The following ZPBP variants were observed in gnomAD, a reference collection of about 807,000 sequenced individuals.
ZPBP encodes the protein zona pellucida-binding protein 1.
Under a neutral mutation model 44.8 loss-of-function variants are expected in ZPBP, and 26 were observed. That is an observed-to-expected ratio of 0.58 (90% CI 0.43 to 0.81). ZPBP has a LOEUF of 0.81. ZPBP is among the 30% of genes least tolerant of loss of function. ZPBP has a pLI of 0.00. For synonymous variants in ZPBP, 174 were observed against 153.2 expected (o/e 1.14, Z -1.00); for missense variants, 409 against 434.0 (o/e 0.94, Z 0.51).
chr7:49,939,710 T>C (rs944383805), intron 7 of ZPBP, among the ~76,000 whole-genome samples: 1 of 152,032 alleles, frequency 6.6e-6, no homozygotes, highest in African/African-American at 2.4e-5. Flanking sequence ...AAAGTAACGA[T>C]TGTGTAAAAT....
intron 6 of ZPBP, among the ~76,000 whole-genome samples, chr7:49,997,732 C>T (rs2128792417): frequency 6.6e-6 from 1 of 152,206 alleles, no homozygotes; most frequent in Non-Finnish European, 1.5e-5. Flanking sequence ...GGTGGAACAC[C>T]ACTGTCATTA....
chr7:50,051,099 A>T (rs907227743), intron 4 of ZPBP, among the ~76,000 whole-genome samples: 4 of 152,106 alleles, frequency 2.6e-5, no homozygotes, highest in African/African-American at 9.7e-5. Context: ...AAGAAAAAAA[A>T]CAACCCCATT....
chr7:49,962,583 T>G (rs1028140315), intron 7 of ZPBP, among the ~76,000 whole-genome samples: 1 of 151,894 alleles, frequency 6.6e-6, no homozygotes, highest in Admixed American at 6.6e-5. Context: ...AAGATTAGCA[T>G]GCCCACTCTT....
intron 3 of ZPBP, among the ~76,000 whole-genome samples, chr7:50,061,511 G>A (rs1173365624): frequency 6.6e-6 from 1 of 152,126 alleles, no homozygotes; most frequent in African/African-American, 2.4e-5. Context: ...GGCTAGCCTA[G>A]CCAACATAGT....
chr7:49,849,058 T>A (rs1329775671), downstream of ZPBP, among the ~76,000 whole-genome samples: 2 of 152,156 alleles, frequency 1.3e-5, no homozygotes, highest in Non-Finnish European at 2.9e-5. Context: ...GTATGACAAA[T>A]GTGTTGGTGC....
intron 6 of ZPBP, among the ~76,000 whole-genome samples, chr7:49,996,166 C>A (rs1285457902): frequency 1.3e-5 from 2 of 152,154 alleles, no homozygotes; most frequent in African/African-American, 4.8e-5. Context: ...TTTCTATTTT[C>A]CTAGATAATA....
chr7:49,932,475 C>T (rs1243726998), downstream of ZPBP, among the ~76,000 whole-genome samples: 1 of 152,194 alleles, frequency 6.6e-6, no homozygotes, highest in Non-Finnish European at 1.5e-5. Context: ...TTGCATGGGG[C>T]CTGCAGCCCC....
intron 1 of ZPBP, among the ~76,000 whole-genome samples, chr7:50,092,624 T>C (rs1211646645): frequency 6.6e-6 from 1 of 152,210 alleles, no homozygotes; most frequent in Non-Finnish European, 1.5e-5. Context: ...AGGTCAAAAC[T>C]TTAAAATCGC....
chr7:50,049,308 G>A (rs1250155081), intron 4 of ZPBP, among the ~76,000 whole-genome samples: 3 of 151,844 alleles, frequency 2.0e-5, no homozygotes, highest in Middle Eastern at 3.2e-3. Context: ...ACACCCCAGC[G>A]CATTCTATGA....
intron 7 of ZPBP, among the ~76,000 whole-genome samples, chr7:49,971,827 T>C (rs1301736665): frequency 6.6e-6 from 1 of 152,052 alleles, no homozygotes; most frequent in Non-Finnish European, 1.5e-5. Context: ...CCCTTATTAT[T>C]ACTGATCCAA....
At chr7:50,031,036 T>C in intron 5 of ZPBP, 56 bp downstream of exon 5, 1 of 1,491,770 alleles carries the variant, frequency 6.7e-7, no homozygotes, top group Non-Finnish European at 9.3e-7. Context: ...AACAACTTTT[T>C]TAACTATTAG....
At chr7:50,036,551 C>G (rs1366031198) in intron 4 of ZPBP, among the ~76,000 whole-genome samples, 33 of 152,132 alleles carry the variant, frequency 2.2e-4, no homozygotes. Context: ...AATATGTAAA[C>G]CACATTCTCT....
intron 2 of ZPBP, among the ~76,000 whole-genome samples, chr7:49,889,417 T>G (rs1465982737): frequency 6.6e-6 from 1 of 152,196 alleles, no homozygotes; most frequent in Non-Finnish European, 1.5e-5. Flanking sequence ...TACTTGAAAT[T>G]GTTATGCCTC....
intron 2 of ZPBP, among the ~76,000 whole-genome samples, chr7:49,891,909 GA>G (rs1562756134): frequency 2.7e-5 from 4 of 150,864 alleles, no homozygotes; most frequent in African/African-American, 9.7e-5. Flanking sequence ...ATCAAGAGTA[GA>G]AAGTAAATGT....
rs566655669 is a variant in ZPBP, at chr7:49,916,188, C to T, written n.412-14973G>A. On this transcript the variant is annotated intron_variant and non_coding_transcript_variant, in intron 1 of 2. Transcript: ENST00000465922. ...TTCTAAATGTAGATCTAGTTTTCAA[C>T]TGAATTCTTTGAGGATCGCAATCAC... 4.6e-5 allele frequency: 7 copies of T among 152,274 alleles called. No homozygotes were observed. In the East Asian group the frequency reaches 1.2e-3, roughly 25 times the overall value. The allele number at this position is 152,274 out of a possible 1,614,324, so 9.4% of individuals were successfully genotyped here.
chr7:49,998,996 G>T (rs1039759883), intron 6 of ZPBP, among the ~76,000 whole-genome samples: 1 of 151,982 alleles, frequency 6.6e-6, no homozygotes, highest in Non-Finnish European at 1.5e-5. Context: ...GTCCTGGCAA[G>T]AAGCTCATCA....
At chr7:49,984,111 T>C (rs1250782346) in intron 6 of ZPBP, among the ~76,000 whole-genome samples, 2 of 152,128 alleles carry the variant, frequency 1.3e-5, no homozygotes, top group African/African-American at 4.8e-5. Context: ...AAGTATGAGG[T>C]ACGCATAAAT....
intron 7 of ZPBP, among the ~76,000 whole-genome samples, chr7:49,939,264 T>C (rs1046848768): frequency 4.4e-4 from 67 of 152,312 alleles, no homozygotes; most frequent in African/African-American, 1.3e-3. Flanking sequence ...TTTACACATA[T>C]GCTTTATATT....
intron 2 of ZPBP, among the ~76,000 whole-genome samples, chr7:49,869,682 G>T (rs762600831): frequency 6.6e-6 from 1 of 152,288 alleles, no homozygotes; most frequent in African/African-American, 2.4e-5. Context: ...GCAAGGAATG[G>T]CAAGGATGTA....
Sources: allele counts gnomAD v4.1 joint callset (sites outside exome capture counted in the v4.1 genomes callset), GRCh38; gene constraint gnomAD v4.1.1; transcripts MANE v1.5; gene names NCBI Gene and HGNC (gene_info 2026-07-23, HGNC 2026-07-21).